PCDHA1: variants seen among roughly 807,000 people sequenced by gnomAD.
The protein encoded by PCDHA1 is protocadherin alpha 1, also known as protocadherin alpha-1.
Under a neutral mutation model 61.3 loss-of-function variants are expected in PCDHA1, and 42 were observed. The ratio of observed to expected loss-of-function variants is 0.69; its 90% confidence interval spans 0.54 to 0.89. The LOEUF is 0.89. PCDHA1 is among the 40% of genes least tolerant of loss of function. The pLI, the probability that PCDHA1 is intolerant of heterozygous loss-of-function variation, is 0.00. For missense variants in PCDHA1, 1,256 were observed against 1,235.3 expected, an observed-to-expected ratio of 1.02 and a Z score of -0.25; for synonymous variants, 610 against 553.8, an observed-to-expected ratio of 1.10 and a Z score of -1.43.
chr5:140,823,930 G>A (rs2150130478), intron 1 of PCDHA1: 3 of 1,613,968 alleles, frequency 1.9e-6, no homozygotes, highest in Non-Finnish European at 2.5e-6. Context: ...GCTGTACACC[G>A]CGCTGCGGTG....
intron 1 of PCDHA1, among the ~76,000 whole-genome samples, chr5:140,921,809 C>CA (rs1184598188): frequency 6.6e-6 from 1 of 151,940 alleles, no homozygotes; most frequent in Non-Finnish European, 1.5e-5. Context: ...AGATAAGATA[C>CA]ATGTGTGAAT....
chr5:141,005,255 CACTGGTGATACATTGGTGAAT>C (rs1319250318), intron 3 of PCDHA1, among the ~76,000 whole-genome samples: 1 of 152,182 alleles, frequency 6.6e-6, no homozygotes, highest in African/African-American at 2.4e-5. Context: ...TTGTGCTAGG[CACTGGTGATACATTGGTGAAT>C]AAACAGATAC....
At chr5:140,842,503 C>T (rs2150337582) in intron 1 of PCDHA1, 40 of 1,613,818 alleles carry the variant, frequency 2.5e-5, no homozygotes, top group South Asian at 2.0e-4. Context: ...CCCATGTCCC[C>T]TTCAAGCTGG....
chr5:140,861,503 C>G, intron 1 of PCDHA1: 1 of 478,536 alleles, frequency 2.1e-6, no homozygotes, highest in African/African-American at 2.0e-5. Flanking sequence ...TGATAGACCT[C>G]GAGGAGCTGT....
chr5:140,941,421 A>T (rs1399072425), intron 1 of PCDHA1, among the ~76,000 whole-genome samples: 1 of 149,518 alleles, frequency 6.7e-6, no homozygotes, highest in Non-Finnish European at 1.5e-5. Flanking sequence ...GGTTCAAGCA[A>T]TTCTCTGCCT....
At chr5:140,942,949 G>A (rs1183072564) in intron 1 of PCDHA1, among the ~76,000 whole-genome samples, 10 of 151,942 alleles carry the variant, frequency 6.6e-5, no homozygotes, top group Admixed American at 1.3e-4. Flanking sequence ...AAGTGTAGAC[G>A]TTCTGTTATC....
At chr5:140,982,298 A>G (rs1371152402) in intron 2 of PCDHA1, 177 bp from the exon 3 acceptor site, 12 of 1,189,736 alleles carry the variant, frequency 1.0e-5, no homozygotes, top group Admixed American at 5.6e-5. Flanking sequence ...TAAGTCAGCA[A>G]TGCTTCTGCA....
In PCDHA1 at chr5:140,876,882, G is replaced by A. The variant is rs377092859; in HGVS notation, c.2394+88198G>A. The A allele has an allele frequency of 3.2e-5, 52 of 1,614,140 alleles. 1 individual carries two copies. The African/African-American group carries it at 4.3e-4, about 13-fold the overall frequency. On this transcript the variant is annotated intron_variant, in intron 1 of 3. Transcript: ENST00000504120. ...TGTTCGTGAAGGAGAACAACCCGCC[G>A]GGCTGCCACATCTTCACGGTGTCGG...
intron 1 of PCDHA1, chr5:140,823,865 T>A (rs1554129638): frequency 1.2e-6 from 2 of 1,613,806 alleles, no homozygotes; most frequent in East Asian, 4.5e-5. Flanking sequence ...GATGTCAACG[T>A]GTACCTGATC....
At chr5:140,945,488 C>T (rs1362622912) in intron 1 of PCDHA1, among the ~76,000 whole-genome samples, 1 of 151,910 alleles carries the variant, frequency 6.6e-6, no homozygotes, top group Non-Finnish European at 1.5e-5. Flanking sequence ...ACCCCAAATA[C>T]CCAAAGCAAT....
chr5:140,882,280 C>T lies in PCDHA1; in HGVS notation c.2394+93596C>T, dbSNP rs531486554. On this transcript the variant is annotated intron_variant, in intron 1 of 3. Transcript: ENST00000504120. ...TTTTGGAGTGTACCATGCTGTCTTCCTGGCAAGGAGGCCCAAGACCGCGGC... is the reference window on the plus strand; with the variant it reads ...TTTTGGAGTGTACCATGCTGTCTTCTTGGCAAGGAGGCCCAAGACCGCGGC... 1.0e-4 allele frequency: 164 copies of T among 1,612,564 alleles called. 4 individuals are homozygous for T. The South Asian group carries it at 1.7e-3, about 16-fold the overall frequency.
intron 1 of PCDHA1, chr5:140,864,363 C>G (rs1389030549): frequency 6.6e-6 from 1 of 152,156 alleles, no homozygotes; most frequent in Non-Finnish European, 1.5e-5. Flanking sequence ...GTTTATCTTT[C>G]TATAATCGAT....
chr5:140,859,289 ATACTT>A (rs1272125290), intron 1 of PCDHA1: 2 of 129,084 alleles, frequency 1.5e-5, no homozygotes, highest in African/African-American at 5.5e-5. Context: ...GAGACTGAAA[ATACTT>A]TAGTATGAAT....
At chr5:140,848,856 G>C in intron 1 of PCDHA1, 1 of 1,590,682 alleles carries the variant, frequency 6.3e-7, no homozygotes, top group Non-Finnish European at 8.6e-7. Context: ...CCATGTGGAC[G>C]TGGAGGTGAA....
At chr5:140,904,107 T>A (rs1214453471) in intron 1 of PCDHA1, among the ~76,000 whole-genome samples, 3 of 152,216 alleles carry the variant, frequency 2.0e-5, no homozygotes, top group Non-Finnish European at 4.4e-5. Context: ...TAGTGGTCAT[T>A]GCTGAGATTT....
chr5:140,884,260 G>A (rs781862611), intron 1 of PCDHA1: 19 of 1,613,410 alleles, frequency 1.2e-5, no homozygotes, highest in Non-Finnish European at 1.5e-5. Flanking sequence ...CCACGGCAAC[G>A]GTGCTGTTGT....
chr5:140,933,244 A>G (rs1218658347), intron 1 of PCDHA1, among the ~76,000 whole-genome samples: 3 of 152,038 alleles, frequency 2.0e-5, no homozygotes, highest in African/African-American at 4.8e-5. Context: ...AGAAAGGACT[A>G]TAAACACAAA....
chr5:140,850,931 T>C, intron 1 of PCDHA1: 1 of 1,516,410 alleles, frequency 6.6e-7, no homozygotes, highest in Non-Finnish European at 8.9e-7. Flanking sequence ...TAATTTTTTT[T>C]CTTGAAAGAT....
At chr5:140,955,477 C>T (rs1401684156) in intron 1 of PCDHA1, among the ~76,000 whole-genome samples, 2 of 152,128 alleles carry the variant, frequency 1.3e-5, no homozygotes, top group African/African-American at 4.8e-5. Context: ...CTTGGCACCT[C>T]TCCTTCCTGC....
Sources: gnomAD v4.1 joint callset for allele counts (sites outside exome capture counted in the v4.1 genomes callset) on GRCh38, gnomAD v4.1.1 for gene constraint, MANE v1.5 for transcripts, NCBI Gene and HGNC (gene_info 2026-07-23, HGNC 2026-07-21) for gene names.